The following PHACTR1 variants were observed in gnomAD, a reference collection of about 807,000 sequenced individuals.
PHACTR1 encodes the protein phosphatase and actin regulator 1.
In PHACTR1, 16 loss-of-function variants were observed where a neutral mutation model predicts 69.2. The observed-to-expected ratio is 0.23, with a 90% CI of 0.16 to 0.35. The LOEUF (loss-of-function observed/expected upper bound fraction) is 0.35. Ranked by LOEUF, PHACTR1 falls within the 10% of genes least tolerant of loss-of-function variation. The pLI is 1.00. For synonymous variants in PHACTR1, 312 were observed against 284.5 expected (o/e 1.10, Z -0.97); for missense variants, 510 against 734.7 (o/e 0.69, Z 3.54).
At chr6:13,052,611 C>A (rs1806124719) in intron 4 of PHACTR1, among the ~76,000 whole-genome samples, 1 of 152,096 alleles carries the variant, frequency 6.6e-6, no homozygotes, top group South Asian at 2.1e-4. Flanking sequence ...AAGGAAGGGT[C>A]CACTAGGCAT....
chr6:12,881,840 G>A (rs1380456655), intron 4 of PHACTR1, among the ~76,000 whole-genome samples: 2 of 152,184 alleles, frequency 1.3e-5, no homozygotes, highest in African/African-American at 4.8e-5. Flanking sequence ...CCAGCAGAGA[G>A]TGAGAAAGAA....
intron 5 of PHACTR1, among the ~76,000 whole-genome samples, chr6:13,134,764 C>T (rs1252327683): frequency 1.4e-5 from 2 of 141,538 alleles, no homozygotes; most frequent in African/African-American, 2.7e-5. Flanking sequence ...TCCCCCTCTC[C>T]GAGAAACACC....
At chr6:12,884,904 A>T (rs115759889) in intron 4 of PHACTR1, among the ~76,000 whole-genome samples, 2,679 of 152,324 alleles carry the variant, frequency 0.018, 70 homozygotes, top group African/African-American at 0.061. Context: ...ATAAACACTT[A>T]CAAGATGGCT....
chr6:13,198,935 T>G (rs190092772), intron 7 of PHACTR1, among the ~76,000 whole-genome samples: 42 of 152,328 alleles, frequency 2.8e-4, no homozygotes, highest in African/African-American at 9.1e-4. Flanking sequence ...CAGCACCAGG[T>G]GTCATTTCCA....
intron 4 of PHACTR1, among the ~76,000 whole-genome samples, chr6:13,004,472 T>C (rs894730014): frequency 6.6e-6 from 1 of 152,186 alleles, no homozygotes; most frequent in African/African-American, 2.4e-5. Context: ...AATGGGCTTA[T>C]TTGTATTTTG....
At chr6:13,242,354 C>A (rs1170990878) in intron 10 of PHACTR1, among the ~76,000 whole-genome samples, 1 of 152,208 alleles carries the variant, frequency 6.6e-6, no homozygotes, top group African/African-American at 2.4e-5. Flanking sequence ...CGTAAAGGAC[C>A]TTTTCCACAA....
At chr6:12,951,346 G>A (rs7775710) in intron 4 of PHACTR1, among the ~76,000 whole-genome samples, 1 of 152,098 alleles carries the variant, frequency 6.6e-6, no homozygotes, top group Non-Finnish European at 1.5e-5. Flanking sequence ...GTTTAGCAAC[G>A]TGGTGAGCTT....
intron 4 of PHACTR1, among the ~76,000 whole-genome samples, chr6:12,834,327 T>G (rs1452414177): frequency 6.6e-6 from 1 of 152,128 alleles, no homozygotes; most frequent in Non-Finnish European, 1.5e-5. Context: ...GCATAATACA[T>G]CTATAGATAT....
chr6:13,070,883 G>A (rs1809406799), intron 5 of PHACTR1, among the ~76,000 whole-genome samples: 1 of 151,980 alleles, frequency 6.6e-6, no homozygotes, highest in Non-Finnish European at 1.5e-5. Context: ...TTTGTTGATG[G>A]TGATTTCTTT....
chr6:13,244,808 C>T (rs1054819975), intron 10 of PHACTR1, among the ~76,000 whole-genome samples: 9 of 152,176 alleles, frequency 5.9e-5, no homozygotes, highest in Non-Finnish European at 1.2e-4. Flanking sequence ...GCAATTATCA[C>T]ATAGTCCTGA....
At chr6:13,144,094 A>G (rs895040509) in intron 5 of PHACTR1, among the ~76,000 whole-genome samples, 4 of 152,158 alleles carry the variant, frequency 2.6e-5, no homozygotes, top group Non-Finnish European at 5.9e-5. Context: ...AAGAAAACTC[A>G]CAGTAGATAA....
chr6:13,206,172 A>T (rs1340783844), intron 8 of PHACTR1, 36 bp downstream of exon 8: 9 of 1,504,868 alleles, frequency 6.0e-6, no homozygotes, highest in Middle Eastern at 3.5e-4. Context: ...ACGGGAGGAG[A>T]GGGGTTGGCT....
chr6:13,000,411 G>A (rs1048181107), intron 4 of PHACTR1, among the ~76,000 whole-genome samples: 2 of 152,068 alleles, frequency 1.3e-5, no homozygotes, highest in Non-Finnish European at 2.9e-5. Context: ...AGCTAGGTGT[G>A]GTGGTGCACA....
intron 4 of PHACTR1, among the ~76,000 whole-genome samples, chr6:13,007,684 T>C (rs2127638072): frequency 7.2e-6 from 1 of 139,032 alleles, no homozygotes; most frequent in South Asian, 2.3e-4. Flanking sequence ...TTTTTGAACT[T>C]AAGAGGTAGA....
chr6:13,270,414 G>A (rs1777474131), intron 10 of PHACTR1, among the ~76,000 whole-genome samples: 1 of 152,074 alleles, frequency 6.6e-6, no homozygotes, highest in African/African-American at 2.4e-5. Flanking sequence ...CTTCCCAGCT[G>A]AAAGCTCCAG....
At chr6:13,040,087 A>C (rs1319446377) in intron 4 of PHACTR1, among the ~76,000 whole-genome samples, 1 of 152,188 alleles carries the variant, frequency 6.6e-6, no homozygotes, top group Non-Finnish European at 1.5e-5. Flanking sequence ...TAAAGAGCAG[A>C]AATTTCCTCT....
intron 4 of PHACTR1, among the ~76,000 whole-genome samples, chr6:12,798,854 C>G (rs928835808): frequency 2.0e-5 from 3 of 152,154 alleles, no homozygotes; most frequent in South Asian, 2.1e-4. Context: ...AGCTTATGGC[C>G]CTTGCCTGAA....
Position 13,283,824 on chromosome 6 carries a change from A to G in PHACTR1, c.1650+262A>G, listed in dbSNP as rs1180237723. The G allele has an allele frequency of 4.0e-6, 2 of 495,482 alleles. No homozygotes were observed. Among genetic ancestry groups the G allele is most frequent in the African/African-American group, 3.9e-5 (2 of 51,364 alleles). 30.7% of individuals were successfully genotyped at this position (495,482 alleles called of 1,614,324 possible). ...CAGCAGCCTGGGAGGCTGTGCCCAGAGAAAGAGAATAGCACTGGATAGGTG... is the reference window on the plus strand; with the variant it reads ...CAGCAGCCTGGGAGGCTGTGCCCAGGGAAAGAGAATAGCACTGGATAGGTG... On this transcript the variant is annotated intron_variant, in intron 13 of 14. Transcript: ENST00000332995. This position sits in a 1 kb window ranked among gnomAD's most constrained non-coding sequence, Gnocchi z 4.7.
At chr6:13,247,666 GCCA>G (rs1773777250) in intron 10 of PHACTR1, among the ~76,000 whole-genome samples, 1 of 152,068 alleles carries the variant, frequency 6.6e-6, no homozygotes, top group South Asian at 2.1e-4. Context: ...CTTAAAAGAT[GCCA>G]AGACAGATAA....
Sources: gnomAD v4.1 joint callset for allele counts (sites outside exome capture counted in the v4.1 genomes callset) on GRCh38, gnomAD v4.1.1 for gene constraint, Gnocchi (gnomAD v3.1) non-coding constraint, MANE v1.5 for transcripts, NCBI Gene and HGNC (gene_info 2026-07-23, HGNC 2026-07-21) for gene names.